The following SKI variants were observed in gnomAD, a reference collection of about 807,000 sequenced individuals.
SKI encodes ski oncogene.
SKI carries 23 observed loss-of-function variants against 59.3 expected under a neutral mutation model. The ratio of observed to expected loss-of-function variants is 0.39; its 90% CI spans 0.28 to 0.55. The LOEUF (loss-of-function observed/expected upper bound fraction) is 0.55. Among genes scored for constraint, SKI ranks in the 20% least tolerant of loss-of-function variants. The probability of loss-of-function intolerance (pLI) is 0.67; values close to 1 mark genes in which losing one functional copy is unlikely to be tolerated. For synonymous variants in SKI, 673 were observed against 488.6 expected (o/e 1.38, Z -4.98); for missense variants, 1,017 against 1,038.9 (o/e 0.98, Z 0.29).
intron 1 of SKI, among the ~76,000 whole-genome samples, chr1:2,238,664 A>C (rs1638801743): frequency 6.6e-6 from 1 of 152,130 alleles, no homozygotes; most frequent in Admixed American, 6.5e-5. Context: ...CAGCCGAGCC[A>C]CCCTCTGCGG....
chr1:2,271,032 C>T (rs1639604921), intron 1 of SKI, among the ~76,000 whole-genome samples: 1 of 152,162 alleles, frequency 6.6e-6, no homozygotes, highest in Non-Finnish European at 1.5e-5. Context: ...TGGGCTGGGG[C>T]CTGGTGTGAC....
Position 2,299,255 on chromosome 1 carries a change from G to A in SKI, c.970-3723G>A, listed in dbSNP as rs1010130383. ...GAGTGACTGTCCCTGCCTCGGGGAG[G>A]GGGGGGGCCACACGGGCAGGCGGGG... is the stretch of plus-strand genomic sequence containing the variant. On this transcript the variant is annotated intron_variant, in intron 1 of 6. Coordinates refer to ENST00000378536, the MANE Select transcript of SKI (RefSeq NM_003036.4). 6.0e-4 allele frequency among the ~76,000 whole-genome samples: 11 copies of A among 18,352 alleles called. No individual in the cohort carries two copies. The African/African-American group carries it at 0.014, about 23-fold the overall frequency. The allele number at this position is 18,352 out of a possible 152,430, so 12.0% of individuals were successfully genotyped here. A position where few individuals can be genotyped will look rare whatever the true frequency, so the allele number is the denominator to read the frequency against.
At chr1:2,282,658 C>T (rs1639919703) in intron 1 of SKI, among the ~76,000 whole-genome samples, 1 of 152,210 alleles carries the variant, frequency 6.6e-6, no homozygotes, top group Non-Finnish European at 1.5e-5. Flanking sequence ...TGGCTCCCAG[C>T]CCTCCACCCT....
Position 2,229,764 on chromosome 1 carries a change from G to A in SKI, c.969+29G>A, listed in dbSNP as rs1426799607. 2 of 1,550,668 alleles carry A rather than the reference G, an allele frequency of 1.3e-6. No individual in the cohort carries two copies. Among genetic ancestry groups the A allele is most frequent in the Non-Finnish European group, 1.7e-6 (2 of 1,147,340 alleles). On this transcript the variant is annotated intron_variant, in intron 1 of 6. Transcript: ENST00000378536. This position sits in a 1 kb window ranked among gnomAD's most constrained non-coding sequence, Gnocchi z 6.3. ...AGTGGCCCCAGGCCTGGGAGCTGGG[G>A]AGGATGCGCTTGGGGTGGGGGCCCC...
Position 2,309,131 on chromosome 1 carries a change from T to G in SKI, c.*2366T>G, listed in dbSNP as rs1640678849. 1.3e-5 allele frequency: 2 copies of G among 152,332 alleles called. No individual in the cohort carries two copies. Among genetic ancestry groups the G allele is most frequent in the Non-Finnish European group, 2.9e-5 (2 of 68,160 alleles). The allele number at this position is 152,332 out of a possible 1,614,324, so 9.4% of individuals were successfully genotyped here. On this transcript the variant is annotated 3_prime_UTR_variant, in exon 7 of 7. Coordinates refer to ENST00000378536, the MANE Select transcript of SKI (RefSeq NM_003036.4). ...AGGGGCCTGAGGGGGCAGCTGTGGC[T>G]GCAGGGCTGCTCTGGACTGAGGGGT...
intron 1 of SKI, among the ~76,000 whole-genome samples, chr1:2,235,535 C>T (rs1454377545): frequency 6.6e-6 from 1 of 152,236 alleles, no homozygotes; most frequent in Non-Finnish European, 1.5e-5. Flanking sequence ...TTAGGTGCTG[C>T]TGCTTTGTGA....
At chr1:2,259,188 C>T (rs991976246) in intron 1 of SKI, among the ~76,000 whole-genome samples, 3 of 152,206 alleles carry the variant, frequency 2.0e-5, no homozygotes, top group Non-Finnish European at 4.4e-5. Context: ...TGGCCACGCC[C>T]CACCGCCCTC....
chr1:2,245,585 C>T (rs1638976290), intron 1 of SKI, among the ~76,000 whole-genome samples: 1 of 151,758 alleles, frequency 6.6e-6, no homozygotes, highest in South Asian at 2.1e-4. Flanking sequence ...AAGCGATTCT[C>T]CTGTCTCAGC....
In SKI at chr1:2,306,782, C is replaced by CGCA; in HGVS notation, c.*20_*22dup. 6.7e-7 allele frequency: 1 copy of CGCA among 1,484,940 alleles called. No homozygotes were observed. Among genetic ancestry groups the CGCA allele is most frequent in the Non-Finnish European group, 8.9e-7 (1 of 1,121,618 alleles). 92.0% of individuals were successfully genotyped at this position (1,484,940 alleles called of 1,614,324 possible). On this transcript the variant is annotated 3_prime_UTR_variant, in exon 7 of 7. Transcript: ENST00000378536. ...GAGCCGTAGATTCCGTGCCTGCCGCCGCAGCGCCGCCGACAACGCGGGTGC... is the reference window on the plus strand; with the variant it reads ...GAGCCGTAGATTCCGTGCCTGCCGCCGCAGCAGCGCCGCCGACAACGCGGGTGC...
At chr1:2,274,475 C>T (rs922182666) in intron 1 of SKI, among the ~76,000 whole-genome samples, 20 of 152,166 alleles carry the variant, frequency 1.3e-4, no homozygotes, top group Admixed American at 6.5e-4. Flanking sequence ...CTCCACCAGC[C>T]ACCCGAGGGC....
In SKI at chr1:2,306,324, G is replaced by A. The variant is rs896405132; in HGVS notation, c.1998+74G>A. ...GCCGTGGGCCCCGGTGGCCAGTCCT[G>A]CCCAGCCGGAAAGGCCTTGGAGCAG... On this transcript the variant is annotated intron_variant, in intron 6 of 6. Transcript: ENST00000378536. 1.5e-4 allele frequency: 208 copies of A among 1,361,462 alleles called. 2 individuals carry two copies. The South Asian group carries it at 2.4e-3, about 15-fold the overall frequency. 84.3% of individuals were successfully genotyped at this position (1,361,462 alleles called of 1,614,324 possible).
chr1:2,259,956 A>G (rs897212810), intron 1 of SKI, among the ~76,000 whole-genome samples: 3 of 152,228 alleles, frequency 2.0e-5, no homozygotes, highest in African/African-American at 7.2e-5. Context: ...GACTGTCACA[A>G]AGAAAGCGGC....
chr1:2,293,915 G>A (rs1233269352), intron 1 of SKI, among the ~76,000 whole-genome samples: 1 of 152,204 alleles, frequency 6.6e-6, no homozygotes, highest in African/African-American at 2.4e-5. Flanking sequence ...TGGTCACCGC[G>A]CCACCATGGG....
chr1:2,270,380 A>C lies in SKI; in HGVS notation c.970-32598A>C, dbSNP rs1639590678. Among the ~76,000 whole-genome samples the C allele has an allele frequency of 6.6e-6, 1 of 152,146 alleles. No homozygotes were observed. Among genetic ancestry groups the C allele is most frequent in the Non-Finnish European group, 1.5e-5 (1 of 68,010 alleles). ...GTTGGACAGTGCCCATCTTGAATGC[A>C]GCCCTGGTGACCTGAAGCCCCTGCG... On this transcript the variant is annotated intron_variant, in intron 1 of 6. Coordinates refer to ENST00000378536, the MANE Select transcript of SKI (RefSeq NM_003036.4). The surrounding 1 kb of genome is among the most constrained non-coding windows in gnomAD (Gnocchi z 4.1).
chr1:2,288,981 C>G (rs991497578), intron 1 of SKI, among the ~76,000 whole-genome samples: 9 of 152,340 alleles, frequency 5.9e-5, no homozygotes, highest in African/African-American at 1.7e-4. Context: ...CCTGCAGGTC[C>G]CCGGTGCCGC....
intron 1 of SKI, among the ~76,000 whole-genome samples, chr1:2,289,001 C>T (rs1019141865): frequency 1.3e-5 from 2 of 152,224 alleles, no homozygotes; most frequent in Non-Finnish European, 2.9e-5. Flanking sequence ...CCTGGTTTTC[C>T]CGAATCGCAT....
chr1:2,287,898 G>T (rs939689840), intron 1 of SKI, among the ~76,000 whole-genome samples: 1 of 152,146 alleles, frequency 6.6e-6, no homozygotes, highest in Non-Finnish European at 1.5e-5. Flanking sequence ...CCTGAGCCCC[G>T]CCTTGAGCCC....
At position 2,304,046 on chromosome 1, in the gene SKI, C is replaced by T. The variant is rs1198385228; in HGVS notation, c.1418C>T (p.Ala473Val). 2 of 1,612,476 alleles carry T rather than the reference C, an allele frequency of 1.2e-6. No individual in the cohort carries two copies. The highest frequency in any genetic ancestry group is 1.7e-6 in the Non-Finnish European group (2 of 1,179,896). The change falls in exon 4 of 7, where the codon GCC (alanine) becomes GTC (valine). Residue 473 changes from alanine (A) to valine (V), a missense_variant. Coordinates refer to ENST00000378536, the MANE Select transcript of SKI (RefSeq NM_003036.4). Reference protein sequence around the residue: ...GAPETLAPVAAPEEDKDSEAE... With the variant: ...GAPETLAPVAVPEEDKDSEAE... ...CCAGAGACGCTGGCGCCCGTGGCTG[C>T]CCCAGAGGAGGACAAGGACTCGGAG...
At chr1:2,239,582 G>A (rs1451761562) in intron 1 of SKI, among the ~76,000 whole-genome samples, 1 of 152,250 alleles carries the variant, frequency 6.6e-6, no homozygotes, top group African/African-American at 2.4e-5. Context: ...AACCTGGATG[G>A]CCCGCGTGCC....
Sources: allele counts gnomAD v4.1 joint callset (sites outside exome capture counted in the v4.1 genomes callset), GRCh38; gene constraint gnomAD v4.1.1; non-coding constraint Gnocchi (gnomAD v3.1); transcripts MANE v1.5; gene names NCBI Gene and HGNC (gene_info 2026-07-23, HGNC 2026-07-21).